Variants in KRT78 observed in about 807,000 individuals in gnomAD.
KRT78 encodes keratin 78.
KRT78 carries 55 observed loss-of-function variants against 51.4 expected under a neutral mutation model. That is an observed-to-expected ratio of 1.07 (90% CI 0.86 to 1.34). The LOEUF is 1.34. KRT78 is among the 40% of genes most tolerant of loss of function. The pLI, the probability that KRT78 is intolerant of heterozygous loss-of-function variation, is 0.00. For missense variants in KRT78, 652 were observed against 649.4 expected, an observed-to-expected ratio of 1.00 and a Z score of -0.04; for synonymous variants, 291 against 264.3, an observed-to-expected ratio of 1.10 and a Z score of -0.98.
chr12:52,848,241 C>A, intron 1 of KRT78, 120 bp from the exon 2 acceptor site: 1 of 1,544,208 alleles, frequency 6.5e-7, no homozygotes, highest in African/African-American at 1.4e-5. Context: ...CCCTGCCCAA[C>A]CTGGGCAGGG....
At chr12:52,843,008 AGGAGGGAGGGAGGGAG>A (rs775388728) in intron 6 of KRT78, among the ~76,000 whole-genome samples, 10 of 25,196 alleles carry the variant, frequency 4.0e-4, no homozygotes, top group Middle Eastern at 0.029. Flanking sequence ...GAAGGAAGGA[AGGAGGGAGGGAGGGAG>A]GGAGGGAGGG....
intron 2 of KRT78, among the ~76,000 whole-genome samples, chr12:52,847,592 T>C (rs1251955720): frequency 6.6e-6 from 1 of 152,214 alleles, no homozygotes; most frequent in Non-Finnish European, 1.5e-5. Context: ...AAAAAGCCAC[T>C]GGGGCATTGT....
chr12:52,848,641 T>C lies in KRT78; in HGVS notation c.290A>G (p.Lys97Arg). The C allele has an allele frequency of 6.2e-7, 1 of 1,613,976 alleles. No homozygotes were observed. The highest frequency in any genetic ancestry group is 8.5e-7 in the Non-Finnish European group (1 of 1,179,952). Residue 97 changes from lysine (K) to arginine (R), a missense_variant, in exon 1 of 9, where the codon AAG (lysine) becomes AGG (arginine). By Grantham distance (26) the Lys-to-Arg change is conservative (BLOSUM62 2). Coordinates refer to ENST00000304620, the MANE Select transcript of KRT78 (RefSeq NM_173352.4). ...CTGGAACTGGGGATCGATCTCAATC[T>C]TCAGTGGGGTCAGCAGATTCTGGTT... ...TINQNLLTPLKIEIDPQFQVV... is the reference protein window; with the variant it reads ...TINQNLLTPLRIEIDPQFQVV...
At chr12:52,843,688 C>CAAAAAAAAAAAAAAAAAAAA (rs1158055717) in intron 6 of KRT78, among the ~76,000 whole-genome samples, 1 of 63,202 alleles carries the variant, frequency 1.6e-5, no homozygotes, top group African/African-American at 4.3e-5. Context: ...GACTCTGTCT[C>CAAAAAAAAAAAAAAAAAAAA]AAAAAAAAAA....
rs752779262 is a variant in KRT78 at position 52,839,066 on chromosome 12, G to A, written c.*47C>T. The A allele has an allele frequency of 3.2e-6, 5 of 1,583,264 alleles. No homozygotes were observed. Among genetic ancestry groups the A allele is most frequent in the Admixed American group, 1.7e-5 (1 of 58,962 alleles). ...TTGGCCTTGCAGAGCCGGCTGATGGGGGGAGTGGGCCAAATGTGTTCAGGA... is the reference window on the plus strand; with the variant it reads ...TTGGCCTTGCAGAGCCGGCTGATGGAGGGAGTGGGCCAAATGTGTTCAGGA... On this transcript the variant is annotated 3_prime_UTR_variant, in exon 9 of 9. Coordinates refer to ENST00000304620, the MANE Select transcript of KRT78 (RefSeq NM_173352.4).
At chr12:52,848,142 C>A in intron 1 of KRT78, 21 bp from the exon 2 acceptor site, 3 of 1,611,306 alleles carry the variant, frequency 1.9e-6, no homozygotes, top group Non-Finnish European at 1.7e-6. Flanking sequence ...AGCAGAGGAT[C>A]CCTGAGGCTC....
chr12:52,847,818 A>C, intron 2 of KRT78, 89 bp downstream of exon 2: 1 of 1,132,432 alleles, frequency 8.8e-7, no homozygotes, highest in Admixed American at 1.8e-5. Flanking sequence ...CTGGGTGCTC[A>C]GTATGTGGGA....
In KRT78 at chr12:52,848,779, G is replaced by A; in HGVS notation, c.152C>T (p.Ser51Phe). 2 of 1,606,618 alleles carry A rather than the reference G, an allele frequency of 1.2e-6. No homozygotes were observed. Among genetic ancestry groups the A allele is most frequent in the Non-Finnish European group, 8.5e-7 (1 of 1,178,216 alleles). ...LNSFGGCLEG[S>F]RGSTWGSGGR... is the part of the protein sequence containing the mutation. ...CCCTGACCCCCAGGTACTCCCACGA[G>A]AGCCTTCCAGGCACCCCCCAAAGGA... Residue 51 changes from serine (S) to phenylalanine (F), a missense_variant, in exon 1 of 9, where the codon TCT (serine) becomes TTT (phenylalanine). By Grantham distance (155) the Ser-to-Phe change is radical. Coordinates refer to ENST00000304620, the MANE Select transcript of KRT78 (RefSeq NM_173352.4).
At chr12:52,840,556 A>T (rs1479338145) in intron 6 of KRT78, among the ~76,000 whole-genome samples, 1 of 152,090 alleles carries the variant, frequency 6.6e-6, no homozygotes, top group African/African-American at 2.4e-5. Context: ...AAAATAAAAA[A>T]ATTAGCTGAC....
At chr12:52,841,824 G>C (rs1338935942) in intron 6 of KRT78, among the ~76,000 whole-genome samples, 1 of 152,192 alleles carries the variant, frequency 6.6e-6, no homozygotes, top group African/African-American at 2.4e-5. Flanking sequence ...TCCTGGGAAA[G>C]GCACATTGCT....
rs569823848 is a variant in KRT78 at position 52,848,571 on chromosome 12, G to T, written c.360C>A (p.Asn120Lys). ...CCTTGTCAATGAAGGAAGCAAACTGGTTGTTGAGGGTTCTGATCTCCTGGG... is the reference window on the plus strand; with the variant it reads ...CCTTGTCAATGAAGGAAGCAAACTGTTTGTTGAGGGTTCTGATCTCCTGGG... Reference protein sequence around the residue: ...QETQEIRTLNNQFASFIDKVR... With the variant: ...QETQEIRTLNKQFASFIDKVR... Residue 120 changes from asparagine to lysine, a missense_variant, in exon 1 of 9, where the codon AAC becomes AAA. Physicochemically the swap from Asn to Lys is moderately conservative, Grantham distance 94. Transcript: ENST00000304620. 81 of 1,614,072 alleles carry T rather than the reference G, an allele frequency of 5.0e-5. No homozygotes were observed. The highest frequency in any genetic ancestry group is 6.7e-5 in the Admixed American group (4 of 60,010).
chr12:52,846,131 G>A (rs748894921), intron 4 of KRT78, 66 bp downstream of exon 4: 99 of 1,112,402 alleles, frequency 8.9e-5, no homozygotes, highest in Non-Finnish European at 1.3e-4. Context: ...TCTCCTCATG[G>A]CCACAGGAAG....
Position 52,848,681 on chromosome 12 carries a change from G to T in KRT78, c.250C>A (p.Gln84Lys). 6.2e-7 allele frequency: 1 copy of T among 1,613,632 alleles called. No homozygotes were observed. Among genetic ancestry groups the T allele is most frequent in the Non-Finnish European group, 8.5e-7 (1 of 1,179,754 alleles). The change falls in exon 1 of 9, where the codon CAA becomes AAA. Residue 84 changes from glutamine to lysine, a missense_variant. Physicochemically the swap from Gln to Lys is moderately conservative, Grantham distance 53. Transcript: ENST00000304620. ...AGATTCTGGTTGATGGTCACTTCTT[G>T]GATGCCCCCCGGAGGGCACAGGGAG... is the stretch of plus-strand genomic sequence containing the variant. ...GLSLCPPGGI[Q>K]EVTINQNLLT...
rs1400506753 is a variant in KRT78 at position 52,848,241 on chromosome 12, C to G, written c.385-120G>C. On this transcript the variant is annotated intron_variant, in intron 1 of 8. Coordinates refer to ENST00000304620, the MANE Select transcript of KRT78 (RefSeq NM_173352.4). ...ACCTTTCCCCTGTCCCCCTGCCCAA[C>G]CTGGGCAGGGGAAGCCTCATGACCT... The G allele has an allele frequency of 5.2e-6, 8 of 1,544,090 alleles. No individual in the cohort carries two copies. The African/African-American group carries it at 8.2e-5, about 16-fold the overall frequency.
At chr12:52,848,185 G>A (rs745803184) in intron 1 of KRT78, 64 bp from the exon 2 acceptor site, 4 of 1,579,074 alleles carry the variant, frequency 2.5e-6, no homozygotes, top group Middle Eastern at 3.3e-4. Context: ...CCTCTGGAAA[G>A]TAAAGCCTGA....
chr12:52,848,740 A>G lies in KRT78; in HGVS notation c.191T>C (p.Val64Ala). The G allele has an allele frequency of 7.1e-7, 1 of 1,400,760 alleles. No individual in the cohort carries two copies. The allele number at this position is 1,400,760 out of a possible 1,614,324, so 86.8% of individuals were successfully genotyped here. ...STWGSGGRLG[V>A]RFGEWSGGPG... ...CCCACCACTCCACTCCCCAAACCGC[A>G]CCCCCAGCCTACCCCCTGACCCCCA... Residue 64 changes from valine to alanine, a missense_variant, in exon 1 of 9, where the codon GTG (valine) becomes GCG (alanine). Val to Ala is a moderately conservative substitution (Grantham distance 64, BLOSUM62 0). Coordinates refer to ENST00000304620, the MANE Select transcript of KRT78 (RefSeq NM_173352.4).
At position 52,839,767 on chromosome 12, in the gene KRT78, C is replaced by A; in HGVS notation, c.1265G>T (p.Cys422Phe). ...GGTCCCTCCAAGCCTCCCTCACCTG[C>A]ACTCCTCGCCCTCCAGCAGCCTGCG... is the stretch of plus-strand genomic sequence containing the variant. The part of the protein sequence containing the change: ...TYRRLLEGEE[C>F]RMSGECTSQV... The change falls in exon 7 of 9, where the codon TGC (cysteine) becomes TTC (phenylalanine). Residue 422 changes from cysteine to phenylalanine, a missense_variant. Transcript: ENST00000304620. 1 of 1,613,862 alleles carries A rather than the reference C, an allele frequency of 6.2e-7. No homozygotes were observed.
Position 52,848,505 on chromosome 12 carries a change from AG to A in KRT78, c.384+41del, listed in dbSNP as rs768782731. On this transcript the variant is annotated intron_variant, in intron 1 of 8. Transcript: ENST00000304620. Reference sequence around the variant, plus strand: ...AAGTCCATCAAGAGCAGCTCCTCCAAGGGAGGCACAGAGACAGGGGCTTGGC... The same window carrying A: ...AAGTCCATCAAGAGCAGCTCCTCCAAGGAGGCACAGAGACAGGGGCTTGGC... 2.0e-5 allele frequency: 32 copies of A among 1,602,978 alleles called. No individual in the cohort carries two copies. In the Middle Eastern group the frequency reaches 5.0e-4, roughly 25 times the overall value.
intron 6 of KRT78, among the ~76,000 whole-genome samples, chr12:52,842,325 A>G (rs536500908): frequency 5.9e-5 from 9 of 152,328 alleles, no homozygotes; most frequent in African/African-American, 2.2e-4. Context: ...GGGTTTAGGA[A>G]ATATGAGTGC....
Sources: allele counts gnomAD v4.1 joint callset (sites outside exome capture counted in the v4.1 genomes callset), GRCh38; gene constraint gnomAD v4.1.1; transcripts MANE v1.5; gene names NCBI Gene and HGNC (gene_info 2026-07-23, HGNC 2026-07-21).